STXBP5L: variants seen among roughly 807,000 people sequenced by gnomAD.
The protein encoded by STXBP5L is syntaxin binding protein 5L, also known as syntaxin-binding protein 5-like.
STXBP5L carries 65 observed loss-of-function variants against 144.5 expected under a neutral mutation model. That is an observed-to-expected ratio of 0.45 (90% CI 0.37 to 0.55). The LOEUF (loss-of-function observed/expected upper bound fraction) is 0.55. Ranked by LOEUF, STXBP5L falls within the 20% of genes least tolerant of loss-of-function variation. The pLI is 0.00. For synonymous variants in STXBP5L, 505 were observed against 469.6 expected (o/e 1.08, Z -0.97); for missense variants, 1,298 against 1,405.5 (o/e 0.92, Z 1.22).
intron 20 of STXBP5L, among the ~76,000 whole-genome samples, chr3:121,345,183 C>G (rs765055594): frequency 2.0e-5 from 3 of 151,946 alleles, no homozygotes; most frequent in Non-Finnish European, 4.4e-5. Flanking sequence ...TGACAGGACC[C>G]CGTGTGTGAT....
intron 2 of STXBP5L, among the ~76,000 whole-genome samples, chr3:120,933,345 G>C (rs962976767): frequency 8.5e-5 from 13 of 152,128 alleles, no homozygotes; most frequent in South Asian, 8.3e-4. Context: ...TATTTTAACT[G>C]TATCTCAGAA....
At chr3:121,235,846 C>CATAT (rs1417647271) in intron 12 of STXBP5L, among the ~76,000 whole-genome samples, 2 of 134,124 alleles carry the variant, frequency 1.5e-5, no homozygotes, top group African/African-American at 5.4e-5. Flanking sequence ...CACACATACA[C>CATAT]ACACACACAC....
chr3:121,066,359 AGC>A (rs1206154860), intron 5 of STXBP5L, among the ~76,000 whole-genome samples: 5 of 110,436 alleles, frequency 4.5e-5, no homozygotes, highest in Non-Finnish European at 7.3e-5. Flanking sequence ...TTTTCCTATA[AGC>A]GTATATATAT....
At chr3:121,246,689 G>A (rs1434365448) in intron 14 of STXBP5L, among the ~76,000 whole-genome samples, 1 of 152,048 alleles carries the variant, frequency 6.6e-6, no homozygotes, top group Non-Finnish European at 1.5e-5. Flanking sequence ...CAACCCAAAT[G>A]TTCATCATTT....
intron 3 of STXBP5L, among the ~76,000 whole-genome samples, chr3:121,017,783 TAAATG>T (rs1480954102): frequency 1.4e-5 from 2 of 147,394 alleles, no homozygotes; most frequent in African/African-American, 5.2e-5. Flanking sequence ...AAGATCTAAA[TAAATG>T]GGGGGGTGGT....
intron 7 of STXBP5L, among the ~76,000 whole-genome samples, chr3:121,139,712 G>T (rs2045413233): frequency 6.6e-6 from 1 of 152,024 alleles, no homozygotes; most frequent in African/African-American, 2.4e-5. Context: ...ATATTCTATT[G>T]CAACCAGTCA....
At chr3:120,915,564 T>C (rs1490414779) in intron 2 of STXBP5L, among the ~76,000 whole-genome samples, 1 of 152,134 alleles carries the variant, frequency 6.6e-6, no homozygotes, top group Non-Finnish European at 1.5e-5. Context: ...AAAAATGCTT[T>C]TGTTTATAGT....
chr3:121,061,565 G>T (rs1037399467), intron 5 of STXBP5L, among the ~76,000 whole-genome samples: 1 of 152,104 alleles, frequency 6.6e-6, no homozygotes, highest in Admixed American at 6.5e-5. Flanking sequence ...ATTGACAGTG[G>T]GGTGTTAAAG....
chr3:121,146,451 C>T (rs1338355259), intron 7 of STXBP5L, among the ~76,000 whole-genome samples: 1 of 151,948 alleles, frequency 6.6e-6, no homozygotes, highest in East Asian at 1.9e-4. Flanking sequence ...AGGGAGGACA[C>T]ATTAACAAAT....
At chr3:121,137,557 C>T (rs2045316993) in intron 7 of STXBP5L, among the ~76,000 whole-genome samples, 2 of 152,130 alleles carry the variant, frequency 1.3e-5, no homozygotes, top group Non-Finnish European at 2.9e-5. Context: ...CCAAATTCAA[C>T]AGCACATTAA....
chr3:121,208,659 T>C (rs529662764), intron 10 of STXBP5L, among the ~76,000 whole-genome samples: 1 of 152,286 alleles, frequency 6.6e-6, no homozygotes, highest in South Asian at 2.1e-4. Flanking sequence ...TTCAACATTA[T>C]TTACAATATT....
chr3:120,997,028 T>G (rs1321214634), intron 3 of STXBP5L, among the ~76,000 whole-genome samples: 1 of 152,192 alleles, frequency 6.6e-6, no homozygotes, highest in East Asian at 1.9e-4. Flanking sequence ...CTCCCACTTA[T>G]GTAAGTGAGA....
At chr3:121,049,036 C>T (rs1338130080) in intron 5 of STXBP5L, among the ~76,000 whole-genome samples, 3 of 152,114 alleles carry the variant, frequency 2.0e-5, no homozygotes, top group Non-Finnish European at 4.4e-5. Context: ...CTTCTGTGAG[C>T]TCTGTCCCAG....
intron 18 of STXBP5L, among the ~76,000 whole-genome samples, chr3:121,267,190 A>G (rs1021079417): frequency 1.3e-5 from 2 of 152,224 alleles, no homozygotes; most frequent in African/African-American, 2.4e-5. Flanking sequence ...CCAAAACAGC[A>G]TAATACTGGT....
chr3:121,146,889 T>C (rs2045731428), intron 7 of STXBP5L, among the ~76,000 whole-genome samples: 1 of 152,114 alleles, frequency 6.6e-6, no homozygotes, highest in Admixed American at 6.6e-5. Flanking sequence ...TTATCTGAAT[T>C]GTGTTTTCAT....
chr3:121,321,136 T>C (rs1473724102), intron 20 of STXBP5L, among the ~76,000 whole-genome samples: 4 of 152,222 alleles, frequency 2.6e-5, no homozygotes, highest in Non-Finnish European at 5.9e-5. Context: ...ATAAGATCCA[T>C]TTGTCACTTC....
Position 121,054,100 on chromosome 3 carries a change from G to A in STXBP5L, c.470+8565G>A, listed in dbSNP as rs371206633. 5.9e-3 allele frequency among the ~76,000 whole-genome samples: 891 copies of A among 152,276 alleles called. 7 individuals are homozygous for A. The highest frequency in any genetic ancestry group is 9.5e-3 in the Non-Finnish European group (644 of 68,010). ...AAAAAGTCAGGAAACAACAGGTGCT[G>A]GAGAGGATGTGGAGAAATAGGAACA... On this transcript the variant is annotated intron_variant, in intron 5 of 26. Transcript: ENST00000471454.
chr3:121,310,709 G>C (rs2043496985), intron 19 of STXBP5L, among the ~76,000 whole-genome samples: 1 of 151,458 alleles, frequency 6.6e-6, no homozygotes, highest in Non-Finnish European at 1.5e-5. Context: ...AGGAGTTTGA[G>C]ACCAGCCTGG....
At chr3:121,140,760 G>A (rs79489952) in intron 7 of STXBP5L, among the ~76,000 whole-genome samples, 18,240 of 152,110 alleles carry the variant, frequency 0.12, 1,150 homozygotes, top group Non-Finnish European at 0.14. Flanking sequence ...AATGGATGAG[G>A]ACATGTTGGT....
Sources: allele counts gnomAD v4.1 joint callset (sites outside exome capture counted in the v4.1 genomes callset), GRCh38; gene constraint gnomAD v4.1.1; transcripts MANE v1.5; gene names NCBI Gene and HGNC (gene_info 2026-07-23, HGNC 2026-07-21).